Variants in HCN1 observed in about 807,000 individuals in gnomAD.
The protein encoded by HCN1 is hyperpolarization activated cyclic nucleotide gated potassium channel 1, also known as potassium/sodium hyperpolarization-activated cyclic nucleotide-gated channel 1.
HCN1 carries 13 observed loss-of-function variants against 78.9 expected under a neutral mutation model. The observed-to-expected ratio is 0.16, with a 90% CI of 0.11 to 0.26. The LOEUF is 0.26. Ranked by LOEUF, HCN1 falls within the 10% of genes least tolerant of loss-of-function variation. The probability of loss-of-function intolerance (pLI) is 1.00; values close to 1 mark genes in which losing one functional copy is unlikely to be tolerated. For missense variants in HCN1, 810 were observed against 1,154.3 expected (o/e 0.70, Z 4.32); for synonymous variants, 552 against 455.5 (o/e 1.21, Z -2.70).
intron 3 of HCN1, among the ~76,000 whole-genome samples, chr5:45,447,825 T>C (rs942458103): frequency 3.3e-5 from 5 of 151,954 alleles, no homozygotes; most frequent in African/African-American, 1.2e-4. Flanking sequence ...TATATGTCCT[T>C]AGCAAGGTTT....
intron 2 of HCN1, among the ~76,000 whole-genome samples, chr5:45,543,060 T>G (rs1410477554): frequency 6.6e-6 from 1 of 152,242 alleles, no homozygotes; most frequent in South Asian, 2.1e-4. Flanking sequence ...CCAACTGACA[T>G]CTTACTCTCC....
intron 2 of HCN1, among the ~76,000 whole-genome samples, chr5:45,478,013 A>C (rs186649948): frequency 6.6e-6 from 1 of 152,170 alleles, no homozygotes; most frequent in Admixed American, 6.5e-5. Flanking sequence ...AAAATAATCC[A>C]TATACTTTGA....
At chr5:45,633,455 A>T (rs1353792206) in intron 2 of HCN1, among the ~76,000 whole-genome samples, 1 of 152,008 alleles carries the variant, frequency 6.6e-6, no homozygotes, top group East Asian at 1.9e-4. Flanking sequence ...CTTTCTAAAT[A>T]GATAGTGGAG....
At chr5:45,658,860 G>T (rs542790329) in intron 1 of HCN1, among the ~76,000 whole-genome samples, 1 of 150,334 alleles carries the variant, frequency 6.7e-6, no homozygotes, top group Admixed American at 6.6e-5. Context: ...ACTGCAAGGC[G>T]GCAACGAGGC....
intron 2 of HCN1, among the ~76,000 whole-genome samples, chr5:45,583,543 T>C (rs983250097): frequency 6.6e-6 from 1 of 152,194 alleles, no homozygotes; most frequent in Non-Finnish European, 1.5e-5. Context: ...TGCTATGATC[T>C]TAGTTATTTA....
At chr5:45,597,750 CA>C (rs1475462163) in intron 2 of HCN1, among the ~76,000 whole-genome samples, 2 of 152,122 alleles carry the variant, frequency 1.3e-5, no homozygotes, top group Non-Finnish European at 2.9e-5. Context: ...TGTGCAAAAA[CA>C]CAAGCATTAC....
chr5:45,274,994 A>G (rs1351671234), intron 6 of HCN1, among the ~76,000 whole-genome samples: 1 of 152,116 alleles, frequency 6.6e-6, no homozygotes, highest in East Asian at 1.9e-4. Flanking sequence ...TTCAAGAAAT[A>G]TGGAATGTTG....
chr5:45,311,020 G>A (rs1016431214), intron 5 of HCN1, among the ~76,000 whole-genome samples: 1 of 152,092 alleles, frequency 6.6e-6, no homozygotes, highest in African/African-American at 2.4e-5. Flanking sequence ...TCGGAGGGTG[G>A]AAGGAGGGAT....
Position 45,695,908 on chromosome 5 carries a change from G to T in HCN1, c.186C>A (p.Asp62Glu). 1 of 1,510,392 alleles carries T rather than the reference G, an allele frequency of 6.6e-7. No homozygotes were observed. The highest frequency in any genetic ancestry group is 8.8e-7 in the Non-Finnish European group (1 of 1,136,370). The allele number at this position is 1,510,392 out of a possible 1,614,324, so 93.6% of individuals were successfully genotyped here. Residue 62 changes from aspartate to glutamate, a missense_variant, in exon 1 of 8, where the codon GAC (aspartate) becomes GAA (glutamate). Coordinates refer to ENST00000303230, the MANE Select transcript of HCN1 (RefSeq NM_021072.4). ...EHGNSVCFKV[D>E]GGGGGGGGGG... ...CGCCGCCGCCACCGCCGCCACCGCCGTCCACCTTGAAGCACACGGAGTTGC... is the reference window on the plus strand; with the variant it reads ...CGCCGCCGCCACCGCCGCCACCGCCTTCCACCTTGAAGCACACGGAGTTGC...
chr5:45,323,538 C>G (rs540892376), intron 5 of HCN1, among the ~76,000 whole-genome samples: 69 of 151,698 alleles, frequency 4.5e-4, no homozygotes, highest in African/African-American at 1.5e-3. Context: ...ACAAGACAAA[C>G]ATAGAGTAAA....
At chr5:45,603,640 C>A (rs1744669833) in intron 2 of HCN1, among the ~76,000 whole-genome samples, 1 of 152,036 alleles carries the variant, frequency 6.6e-6, no homozygotes. Context: ...CAATTCATAG[C>A]TGCAATTCTT....
chr5:45,319,910 T>C (rs1398978925), intron 5 of HCN1, among the ~76,000 whole-genome samples: 1 of 151,942 alleles, frequency 6.6e-6, no homozygotes, highest in African/African-American at 2.4e-5. Flanking sequence ...TATTGATAAC[T>C]TAAATATCAC....
At chr5:45,333,398 T>C (rs1746386776) in intron 5 of HCN1, among the ~76,000 whole-genome samples, 2 of 151,722 alleles carry the variant, frequency 1.3e-5, no homozygotes, top group African/African-American at 2.4e-5. Context: ...AATCCCTTAT[T>C]AGATGGGTGT....
intron 5 of HCN1, among the ~76,000 whole-genome samples, chr5:45,322,524 T>C (rs1746145200): frequency 6.6e-6 from 1 of 151,912 alleles, no homozygotes; most frequent in Non-Finnish European, 1.5e-5. Context: ...AATATTTGCA[T>C]ATCCCAAATG....
intron 5 of HCN1, among the ~76,000 whole-genome samples, chr5:45,330,425 A>G (rs1275299748): frequency 6.6e-6 from 1 of 151,068 alleles, no homozygotes; most frequent in Admixed American, 6.6e-5. Context: ...ACACCATCAT[A>G]TATATACATA....
intron 2 of HCN1, among the ~76,000 whole-genome samples, chr5:45,525,235 G>C (rs1194908586): frequency 6.6e-6 from 1 of 151,672 alleles, no homozygotes; most frequent in African/African-American, 2.4e-5. Flanking sequence ...TTAGCAAATT[G>C]AGAAAAAAAT....
chr5:45,622,332 AT>A (rs1303731298), intron 2 of HCN1, among the ~76,000 whole-genome samples: 10 of 152,196 alleles, frequency 6.6e-5, no homozygotes, highest in Middle Eastern at 3.2e-3. Context: ...TCTGAGTGCT[AT>A]GGGTCAGTTT....
chr5:45,672,637 G>A (rs1479464863), intron 1 of HCN1, among the ~76,000 whole-genome samples: 3 of 149,858 alleles, frequency 2.0e-5, no homozygotes, highest in Admixed American at 6.7e-5. Flanking sequence ...TGAAACAGAC[G>A]GTTGCCATAT....
chr5:45,468,862 C>T (rs1741332911), intron 2 of HCN1, among the ~76,000 whole-genome samples: 1 of 151,988 alleles, frequency 6.6e-6, no homozygotes, highest in African/African-American at 2.4e-5. Flanking sequence ...TCGTGCTCAA[C>T]AAATGTTTTT....
Sources: gnomAD v4.1 joint callset for allele counts (sites outside exome capture counted in the v4.1 genomes callset) on GRCh38, gnomAD v4.1.1 for gene constraint, MANE v1.5 for transcripts, NCBI Gene and HGNC (gene_info 2026-07-23, HGNC 2026-07-21) for gene names.